SLC67A1: variants seen among roughly 807,000 people sequenced by gnomAD.
SLC67A1 encodes the protein solute carrier family 67 member 1.
the SLC67A1 span, among the ~76,000 whole-genome samples, chr11:2,899,981 G>T: frequency 6.6e-6 from 1 of 152,134 alleles, no homozygotes; most frequent in Non-Finnish European, 1.5e-5. Flanking sequence ...CCTCACACCT[G>T]CCCCATTGAG....
chr11:2,919,170 A>G, the SLC67A1 span: 3 of 646,174 alleles, frequency 4.6e-6, no homozygotes, highest in African/African-American at 3.7e-5. Context: ...CCCGGCTGGC[A>G]TCACAGGCCC....
chr11:2,922,064 C>T, the SLC67A1 span: 8 of 1,495,218 alleles, frequency 5.4e-6, no homozygotes, highest in Admixed American at 1.3e-4. Context: ...TCCCTCGCCT[C>T]CCCCATACCC....
chr11:2,902,487 C>CG, the SLC67A1 span: 7 of 699,774 alleles, frequency 1.0e-5, no homozygotes, highest in Non-Finnish European at 1.1e-5. Flanking sequence ...CTGCTCCCCC[C>CG]AGCCTCCCTG....
the SLC67A1 span, among the ~76,000 whole-genome samples, chr11:2,906,830 G>A: frequency 9.2e-5 from 14 of 151,660 alleles, no homozygotes; most frequent in South Asian, 1.7e-3. Flanking sequence ...AAACCTGCAC[G>A]TTGTGTACAT....
the SLC67A1 span, chr11:2,920,694 AG>A: frequency 6.6e-6 from 1 of 152,338 alleles, no homozygotes; most frequent in Non-Finnish European, 1.5e-5. Context: ...CCCGCAGAGT[AG>A]CCCCCAGACC....
the SLC67A1 span, chr11:2,909,398 G>C: frequency 6.7e-7 from 1 of 1,495,510 alleles, no homozygotes; most frequent in African/African-American, 1.4e-5. Flanking sequence ...GCCGGGTCGG[G>C]GGCAGCCTGC....
the SLC67A1 span, among the ~76,000 whole-genome samples, chr11:2,906,553 G>A: frequency 0.52 from 79,295 of 152,000 alleles, 21,289 homozygotes; most frequent in East Asian, 0.79. Flanking sequence ...AAAAGGATGA[G>A]TTCATGTCCT....
the SLC67A1 span, among the ~76,000 whole-genome samples, chr11:2,905,543 A>G: frequency 3.3e-5 from 5 of 152,168 alleles, no homozygotes; most frequent in Non-Finnish European, 5.9e-5. Context: ...TCCATGGTTT[A>G]TATGTGCCAC....
the SLC67A1 span, chr11:2,922,557 G>A: frequency 6.2e-7 from 1 of 1,611,878 alleles, no homozygotes; most frequent in Non-Finnish European, 8.5e-7. Flanking sequence ...TCGGACACAG[G>A]TGAGTGTGGC....
the SLC67A1 span, chr11:2,919,272 G>GGGGTA: frequency 6.6e-7 from 1 of 1,508,724 alleles, no homozygotes; most frequent in Non-Finnish European, 9.2e-7. Context: ...TCGGGGTGTG[G>GGGGTA]GGGTACTCAC....
the SLC67A1 span, chr11:2,922,393 C>G: frequency 1.3e-6 from 2 of 1,598,038 alleles, no homozygotes; most frequent in Non-Finnish European, 1.7e-6. Context: ...GAGCCTGGTC[C>G]CGTGAGGCCC....
At chr11:2,921,951 G>T in the SLC67A1 span, 1 of 684,100 alleles carries the variant, frequency 1.5e-6, no homozygotes, top group Non-Finnish European at 2.7e-6. Context: ...GAGACCCCGG[G>T]GCTTGCAGAT....
the SLC67A1 span, chr11:2,916,825 G>C: frequency 2.5e-6 from 3 of 1,200,460 alleles, no homozygotes; most frequent in Non-Finnish European, 2.4e-6. Flanking sequence ...CAAGGGGTAC[G>C]GGGGGCCTGA....
At chr11:2,909,395 CGG>C in the SLC67A1 span, 6 of 1,494,676 alleles carry the variant, frequency 4.0e-6, no homozygotes, top group African/African-American at 4.4e-5. Context: ...GGGGCCGGGT[CGG>C]GGGCAGCCTG....
the SLC67A1 span, among the ~76,000 whole-genome samples, chr11:2,904,549 G>C: frequency 1.3e-5 from 2 of 152,266 alleles, no homozygotes; most frequent in Non-Finnish European, 2.9e-5. Context: ...GGGGAAGAGT[G>C]AATGAGAAGT....
the SLC67A1 span, chr11:2,922,095 G>A: frequency 6.2e-7 from 1 of 1,609,476 alleles, no homozygotes; most frequent in African/African-American, 1.3e-5. Context: ...TCTCTGTCTG[G>A]CTCTAGGTGA....
At chr11:2,909,143 G>A in the SLC67A1 span, 10 of 1,431,610 alleles carry the variant, frequency 7.0e-6, no homozygotes, top group South Asian at 7.2e-5. Context: ...TGGACGGGGG[G>A]AAGGGGACAC....
the SLC67A1 span, chr11:2,921,082 T>G: frequency 4.4e-5 from 5 of 114,646 alleles, no homozygotes; most frequent in Admixed American, 8.2e-5. Context: ...AAAAAAAAAA[T>G]TAGCCGGGCC....
chr11:2,900,692 C>CAAAAAA, the SLC67A1 span, among the ~76,000 whole-genome samples: 54 of 59,634 alleles, frequency 9.1e-4, no homozygotes, highest in African/African-American at 2.6e-3. Flanking sequence ...GACTCCGTCT[C>CAAAAAA]AAAAAAAAAA....
Sources: allele counts gnomAD v4.1 joint callset (sites outside exome capture counted in the v4.1 genomes callset), GRCh38; gene constraint gnomAD v4.1.1; transcripts MANE v1.5; gene names NCBI Gene and HGNC (gene_info 2026-07-23, HGNC 2026-07-21).